The following GID8 variants were observed in gnomAD, a reference collection of about 807,000 sequenced individuals.
GID8 encodes the protein glucose-induced degradation protein 8 homolog.
A neutral mutation model predicts 27.4 loss-of-function variants in GID8; 6 were observed. That is an observed-to-expected ratio of 0.22 (90% confidence interval 0.12 to 0.43). GID8 has a LOEUF of 0.43. Among genes scored for constraint, GID8 ranks in the 20% least tolerant of loss-of-function variants. The pLI is 1.00. For synonymous variants in GID8, 112 were observed against 109.0 expected (o/e 1.03, Z -0.17); for missense variants, 173 against 287.6 (o/e 0.60, Z 2.88).
In GID8 at chr20:62,944,938, A is replaced by T. The variant is rs369511130; in HGVS notation, c.*26A>T. 37 of 1,596,354 alleles carry T rather than the reference A, an allele frequency of 2.3e-5. No homozygotes were observed. The East Asian group carries it at 7.8e-4, about 34-fold the overall frequency. Reference sequence around the variant, plus strand: ...CGCCTGCGCTTGCGTGGTGGATCCAACACCAGCCCTGCGTCGTGGGACTTG... The same window carrying T: ...CGCCTGCGCTTGCGTGGTGGATCCATCACCAGCCCTGCGTCGTGGGACTTG... On this transcript the variant is annotated 3_prime_UTR_variant, in exon 5 of 5. Coordinates refer to ENST00000266069, the MANE Select transcript of GID8 (RefSeq NM_017896.3).
In GID8 at chr20:62,945,814, A is replaced by T; in HGVS notation, c.*902A>T. The T allele has an allele frequency of 7.8e-7, 1 of 1,287,792 alleles. No individual in the cohort carries two copies. Among genetic ancestry groups the T allele is most frequent in the Non-Finnish European group, 1.0e-6 (1 of 987,470 alleles). The allele number at this position is 1,287,792 out of a possible 1,614,324, so 79.8% of individuals were successfully genotyped here. ...GCGAGGCAGCCCTTGGCCGGTGGGG[A>T]CGCAGAGCCCCAGCAGGTGGTGCAC... is the stretch of plus-strand genomic sequence containing the variant. On this transcript the variant is annotated 3_prime_UTR_variant, in exon 5 of 5. Transcript: ENST00000266069.
Position 62,941,417 on chromosome 20 carries a change from G to T in GID8, c.-12-74G>T. 9 of 814,352 alleles carry T rather than the reference G, an allele frequency of 1.1e-5. No individual in the cohort carries two copies. The South Asian group carries it at 1.3e-4, about 12-fold the overall frequency. 50.4% of individuals were successfully genotyped at this position (814,352 alleles called of 1,614,324 possible). On this transcript the variant is annotated intron_variant, in intron 1 of 4. Transcript: ENST00000266069. Reference sequence around the variant, plus strand: ...TCAGTGTGGGATTCTCCGGCTCACAGCTCTTCCAGCGCTGCCCTCTGCCCT... The same window carrying T: ...TCAGTGTGGGATTCTCCGGCTCACATCTCTTCCAGCGCTGCCCTCTGCCCT...
At position 62,942,890 on chromosome 20, in the gene GID8, GTTA is replaced by G. The variant is rs1431631136; in HGVS notation, c.119-93_119-91del. On this transcript the variant is annotated intron_variant, in intron 2 of 4. Coordinates refer to ENST00000266069, the MANE Select transcript of GID8 (RefSeq NM_017896.3). Reference sequence around the variant, plus strand: ...TGAGAAAGTGTGGTTCACATCAGAGGTTATTAATTGAGGCAATTGGAGTTTCTG... The same window carrying G: ...TGAGAAAGTGTGGTTCACATCAGAGGTTAATTGAGGCAATTGGAGTTTCTG... The G allele has an allele frequency of 3.7e-6, 3 of 806,064 alleles. No individual in the cohort carries two copies. The African/African-American group carries it at 5.1e-5, about 14-fold the overall frequency. 49.9% of individuals were successfully genotyped at this position (806,064 alleles called of 1,614,324 possible).
rs1220888146 is a variant in GID8, at chr20:62,948,289, A to G, written c.*3377A>G. On this transcript the variant is annotated 3_prime_UTR_variant, in exon 5 of 5. Coordinates refer to ENST00000266069, the MANE Select transcript of GID8 (RefSeq NM_017896.3). ...CATATTTTTTGCAAATTGTATTGTC[A>G]ACATGGGTCATTTAAAGTCCTGTAT... The G allele has an allele frequency of 6.6e-6, 1 of 152,238 alleles. No individual in the cohort carries two copies. Among genetic ancestry groups the G allele is most frequent in the African/African-American group, 2.4e-5 (1 of 41,464 alleles). The allele number at this position is 152,238 out of a possible 1,614,324, so 9.4% of individuals were successfully genotyped here.
At position 62,940,216 on chromosome 20, in the gene GID8, G is replaced by A. The variant is rs2065436578; in HGVS notation, c.-12-1275G>A. 2.0e-4 allele frequency among the ~76,000 whole-genome samples: 27 copies of A among 132,124 alleles called. No individual in the cohort carries two copies. The South Asian group carries it at 6.2e-3, about 30-fold the overall frequency. The allele number at this position is 132,124 out of a possible 152,430, so 86.7% of individuals were successfully genotyped here. On this transcript the variant is annotated intron_variant, in intron 1 of 4. Transcript: ENST00000266069. ...TTTTTTTTTTTTGAGACGGAGTCTC[G>A]CTCTGTCGCCCAGGCTGGAGTGCAG...
intron 2 of GID8, 97 bp from the exon 3 acceptor site, chr20:62,942,890 G>A (rs777543862): frequency 2.0e-5 from 16 of 806,064 alleles, no homozygotes; most frequent in Non-Finnish European, 3.1e-5. Flanking sequence ...CACATCAGAG[G>A]TTATTAATTG....
At position 62,946,827 on chromosome 20, in the gene GID8, C is replaced by G. The variant is rs1042840588; in HGVS notation, c.*1915C>G. Reference sequence around the variant, plus strand: ...AGAAAGCGGTGAGGTGAGAGAGATGCATCTGCACGTTTTCTTCAACAGCAC... The same window carrying G: ...AGAAAGCGGTGAGGTGAGAGAGATGGATCTGCACGTTTTCTTCAACAGCAC... On this transcript the variant is annotated 3_prime_UTR_variant, in exon 5 of 5. Coordinates refer to ENST00000266069, the MANE Select transcript of GID8 (RefSeq NM_017896.3). 1.1e-4 allele frequency: 16 copies of G among 152,216 alleles called. No homozygotes were observed. The highest frequency in any genetic ancestry group is 3.9e-4 in the African/African-American group (16 of 41,446). 9.4% of individuals were successfully genotyped at this position (152,216 alleles called of 1,614,324 possible).
rs1402398209 is a variant in GID8 at position 62,946,670 on chromosome 20, A to G, written c.*1758A>G. 6.6e-6 allele frequency: 1 copy of G among 152,184 alleles called. No homozygotes were observed. The highest frequency in any genetic ancestry group is 1.5e-5 in the Non-Finnish European group (1 of 68,058). The allele number at this position is 152,184 out of a possible 1,614,324, so 9.4% of individuals were successfully genotyped here. ...GGGAGGTGGTGCTTCCCTACCCCCT[A>G]GAAATGCTGCCTTCCAACTACCACT... On this transcript the variant is annotated 3_prime_UTR_variant, in exon 5 of 5. Transcript: ENST00000266069.
chr20:62,939,461 T>C (rs929664756), intron 1 of GID8, among the ~76,000 whole-genome samples: 21 of 143,942 alleles, frequency 1.5e-4, no homozygotes, highest in Non-Finnish European at 1.4e-4. Context: ...TGTTTTCAGC[T>C]CTGAGCTCAG....
chr20:62,943,622 C>T lies in GID8; in HGVS notation c.443C>T (p.Ala148Val), dbSNP rs1277987709. Residue 148 changes from alanine (A) to valine (V), a missense_variant, in exon 4 of 5, where the codon GCA becomes GTA. By Grantham distance (64) the Ala-to-Val change is moderately conservative (BLOSUM62 0). Transcript: ENST00000266069. The surrounding 1 kb of genome is among the most constrained non-coding windows in gnomAD (Gnocchi z 4.7). ...ECLTEMERTL[A>V]LLAFDSPEES... ...CTCACAGAGATGGAGCGTACCCTGGCACTGCTGGCCTTTGACAGTCCCGAG... is the reference window on the plus strand; with the variant it reads ...CTCACAGAGATGGAGCGTACCCTGGTACTGCTGGCCTTTGACAGTCCCGAG... 6.2e-7 allele frequency: 1 copy of T among 1,613,740 alleles called. No homozygotes were observed. Among genetic ancestry groups the T allele is most frequent in the Non-Finnish European group, 8.5e-7 (1 of 1,179,988 alleles).
chr20:62,944,872 T>TTTTAAAATATCCTCA lies in GID8; in HGVS notation c.647_648insTTTAAAATATCCTCA (p.Met216delinsIleLeuLysTyrProGln). 1.2e-6 allele frequency: 2 copies of TTTTAAAATATCCTCA among 1,613,938 alleles called. No homozygotes were observed. The highest frequency in any genetic ancestry group is 1.7e-6 in the Non-Finnish European group (2 of 1,179,882). ...CAGAAGAAAGTAAAATATCCCAAAA[T>TTTTAAAATATCCTCA]GACAGACCTCAGCAAGGGTGTGATT... On this transcript the variant is annotated protein_altering_variant, in exon 5 of 5. Transcript: ENST00000266069.
chr20:62,942,692 C>T (rs910753268), intron 2 of GID8, among the ~76,000 whole-genome samples: 2 of 152,204 alleles, frequency 1.3e-5, no homozygotes, highest in Non-Finnish European at 2.9e-5. Flanking sequence ...TATTATCTGT[C>T]CTCTCAAAGG....
Position 62,945,188 on chromosome 20 carries a change from G to C in GID8, c.*276G>C, listed in dbSNP as rs575401449. 1 of 1,197,532 alleles carries C rather than the reference G, an allele frequency of 8.4e-7. No individual in the cohort carries two copies. The highest frequency in any genetic ancestry group is 1.0e-6 in the Non-Finnish European group (1 of 959,186). The allele number at this position is 1,197,532 out of a possible 1,614,324, so 74.2% of individuals were successfully genotyped here. A position where few individuals can be genotyped will look rare whatever the true frequency, so the allele number is the denominator to read the frequency against. ...GTTGCGGTTTGCTCTTCCAGTGTTC[G>C]GGGGCCTCTGGCTGCTGAAGGATTC... On this transcript the variant is annotated 3_prime_UTR_variant, in exon 5 of 5. Transcript: ENST00000266069.
chr20:62,943,467 G>T lies in GID8; in HGVS notation c.316-28G>T. On this transcript the variant is annotated intron_variant, in intron 3 of 4. Coordinates refer to ENST00000266069, the MANE Select transcript of GID8 (RefSeq NM_017896.3). The surrounding 1 kb of genome is among the most constrained non-coding windows in gnomAD (Gnocchi z 4.7). ...TAAGTCCCTGGCCTGGGTGTGTGGG[G>T]GTCAAGCTTGTCTGTCTCTGCCTCC... is the stretch of plus-strand genomic sequence containing the variant. 1 of 1,605,386 alleles carries T rather than the reference G, an allele frequency of 6.2e-7. No homozygotes were observed. The highest frequency in any genetic ancestry group is 1.1e-5 in the South Asian group (1 of 90,782).
At chr20:62,944,460 A>AG (rs2065456888) in intron 4 of GID8, among the ~76,000 whole-genome samples, 1 of 152,034 alleles carries the variant, frequency 6.6e-6, no homozygotes, top group South Asian at 2.1e-4. Flanking sequence ...GAGGCTTGTG[A>AG]GGAGGGTGCT....
intron 4 of GID8, among the ~76,000 whole-genome samples, chr20:62,944,156 C>G (rs1025701144): frequency 1.3e-5 from 2 of 152,190 alleles, no homozygotes; most frequent in African/African-American, 4.8e-5. Flanking sequence ...TTTATCTTGT[C>G]AAACTAGGGA....
chr20:62,942,589 T>TA (rs1334492922), intron 2 of GID8, among the ~76,000 whole-genome samples: 4 of 152,202 alleles, frequency 2.6e-5, no homozygotes, highest in African/African-American at 4.8e-5. Context: ...ACTGCAGGTA[T>TA]AGCTGACCAT....
intron 1 of GID8, among the ~76,000 whole-genome samples, chr20:62,940,443 G>A (rs1359750217): frequency 6.6e-6 from 1 of 150,838 alleles, no homozygotes; most frequent in Non-Finnish European, 1.5e-5. Context: ...TCCGCCTCCC[G>A]GGTTCACGCC....
rs1168614150 is a variant in GID8, at chr20:62,948,463, A to G, written c.*3551A>G. 2 of 152,094 alleles carry G rather than the reference A, an allele frequency of 1.3e-5. No individual in the cohort carries two copies. The highest frequency in any genetic ancestry group is 1.9e-4 in the East Asian group (1 of 5,196). 9.4% of individuals were successfully genotyped at this position (152,094 alleles called of 1,614,324 possible). ...TTAATGTAACAGTAAAAGTTTTCAC[A>G]TTTTTCTCAGAACTGTTATCTGGAA... On this transcript the variant is annotated 3_prime_UTR_variant, in exon 5 of 5. Coordinates refer to ENST00000266069, the MANE Select transcript of GID8 (RefSeq NM_017896.3).
Sources: allele counts gnomAD v4.1 joint callset (sites outside exome capture counted in the v4.1 genomes callset), GRCh38; gene constraint gnomAD v4.1.1; non-coding constraint Gnocchi (gnomAD v3.1); transcripts MANE v1.5; gene names NCBI Gene and HGNC (gene_info 2026-07-23, HGNC 2026-07-21).